ITGBL1: variants seen among roughly 807,000 people sequenced by gnomAD.
ITGBL1 encodes the protein integrin subunit beta like 1, also known as integrin beta-like protein 1.
A neutral mutation model predicts 68.5 loss-of-function variants in ITGBL1; 51 were observed. The observed-to-expected ratio is 0.74, with a 90% confidence interval of 0.59 to 0.94. The LOEUF is 0.94. ITGBL1 is among the 40% of genes least tolerant of loss of function. The pLI, the probability that ITGBL1 is intolerant of heterozygous loss-of-function variation, is 0.00. For missense variants in ITGBL1, 649 were observed against 647.4 expected (o/e 1.00, Z -0.03); for synonymous variants, 209 against 227.3 (o/e 0.92, Z 0.72).
chr13:101,540,171 T>C (rs1415680895), intron 2 of ITGBL1, among the ~76,000 whole-genome samples: 3 of 152,104 alleles, frequency 2.0e-5, no homozygotes, highest in Non-Finnish European at 4.4e-5. Flanking sequence ...TCTTCTAGGG[T>C]TTTTATGGTT....
chr13:101,607,477 C>T (rs2030924597), intron 7 of ITGBL1, among the ~76,000 whole-genome samples: 2 of 151,858 alleles, frequency 1.3e-5, no homozygotes, highest in South Asian at 4.1e-4. Context: ...CAAAATAATT[C>T]AATCAATCCT....
chr13:101,479,236 TG>T (rs1420314224), intron 2 of ITGBL1, among the ~76,000 whole-genome samples: 3 of 152,124 alleles, frequency 2.0e-5, no homozygotes, highest in African/African-American at 7.2e-5. Context: ...TAAATGGCTC[TG>T]GGAAAACTGA....
chr13:101,616,730 A>T (rs1021835358), intron 7 of ITGBL1, among the ~76,000 whole-genome samples: 1 of 152,172 alleles, frequency 6.6e-6, no homozygotes, highest in African/African-American at 2.4e-5. Flanking sequence ...ACTTCAAGCG[A>T]TCTACCCACC....
intron 7 of ITGBL1, among the ~76,000 whole-genome samples, chr13:101,677,588 A>G (rs2033536185): frequency 6.6e-6 from 1 of 152,304 alleles, no homozygotes; most frequent in East Asian, 1.9e-4. Flanking sequence ...AGCACAAACG[A>G]CCAACCTTTA....
rs1191462474 is a variant in ITGBL1 at position 101,494,396 on chromosome 13, G to A, written c.316+40296G>A. ...TAAAAAGTTGTGAAAATTATTTTCT[G>A]GCAAACATTGGAAAAGGGCTAAAAT... On this transcript the variant is annotated intron_variant, in intron 2 of 10. Transcript: ENST00000376180. Among the ~76,000 whole-genome samples, 3 of 152,034 alleles carry A rather than the reference G, an allele frequency of 2.0e-5. No individual in the cohort carries two copies. In the East Asian group the frequency reaches 5.8e-4, roughly 29 times the overall value.
chr13:101,634,087 A>G (rs1272730491), intron 7 of ITGBL1, among the ~76,000 whole-genome samples: 4 of 152,350 alleles, frequency 2.6e-5, no homozygotes, highest in Admixed American at 2.0e-4. Flanking sequence ...AATGGGCAGA[A>G]TTAATGCAAT....
At chr13:101,665,787 C>G (rs1240112165) in intron 7 of ITGBL1, among the ~76,000 whole-genome samples, 1 of 152,118 alleles carries the variant, frequency 6.6e-6, no homozygotes, top group Admixed American at 6.6e-5. Context: ...AGGGAGGGTT[C>G]TTATGCACAA....
intron 7 of ITGBL1, among the ~76,000 whole-genome samples, chr13:101,635,975 T>C (rs1042283547): frequency 6.6e-6 from 1 of 152,138 alleles, no homozygotes; most frequent in African/African-American, 2.4e-5. Context: ...AATGACTTAA[T>C]TTCCAATTAA....
chr13:101,572,063 C>A (rs1039035853), intron 3 of ITGBL1, among the ~76,000 whole-genome samples: 3 of 152,116 alleles, frequency 2.0e-5, no homozygotes, highest in Non-Finnish European at 1.5e-5. Context: ...TTCAGTGTTA[C>A]ATTTAATCTT....
Position 101,572,631 on chromosome 13 carries a change from G to A in ITGBL1, c.464-2793G>A, listed in dbSNP as rs146825703. 1.9e-3 allele frequency among the ~76,000 whole-genome samples: 285 copies of A among 152,174 alleles called. 1 individual carries two copies. Among genetic ancestry groups the A allele is most frequent in the Non-Finnish European group, 3.0e-3 (205 of 67,976 alleles). On this transcript the variant is annotated intron_variant, in intron 3 of 10. Transcript: ENST00000376180. ...AGGAGTCTGGAGCTTTTGCCTGGGC[G>A]TCCATATGCCATGTCTTGGAGGCTC...
chr13:101,704,134 C>A (rs927663760), intron 8 of ITGBL1, among the ~76,000 whole-genome samples: 2 of 152,134 alleles, frequency 1.3e-5, no homozygotes, highest in Non-Finnish European at 2.9e-5. Flanking sequence ...CTTTACAGCA[C>A]CCTCCTTGGT....
Position 101,696,729 on chromosome 13 carries a change from G to T in ITGBL1, c.1132+4028G>T, listed in dbSNP as rs574819157. The stretch of plus-strand genomic sequence containing the variant: ...TTTTCTTTAAGTCTACAATTCTCAT[G>T]GATATAATCAATCTCTCTCTCTCAT... On this transcript the variant is annotated intron_variant, in intron 8 of 10. Coordinates refer to ENST00000376180, the MANE Select transcript of ITGBL1 (RefSeq NM_004791.3). Among the ~76,000 whole-genome samples the T allele has an allele frequency of 2.0e-5, 3 of 152,188 alleles. No individual in the cohort carries two copies. In the East Asian group the frequency reaches 5.8e-4, roughly 29 times the overall value.
chr13:101,720,099 TAAC>T (rs1257350780), downstream of ITGBL1: 1 of 152,104 alleles, frequency 6.6e-6, no homozygotes, highest in African/African-American at 2.4e-5. Context: ...TTTGTGAATT[TAAC>T]AAATGATATT....
chr13:101,654,372 G>A (rs527992299), intron 7 of ITGBL1, among the ~76,000 whole-genome samples: 93 of 152,298 alleles, frequency 6.1e-4, no homozygotes, highest in Admixed American at 1.4e-3. Context: ...GGGACCCGAA[G>A]GTGGGGACAA....
intron 9 of ITGBL1, among the ~76,000 whole-genome samples, chr13:101,709,371 C>CAAAAAAAAAA (rs747662212): frequency 2.9e-4 from 18 of 61,190 alleles, no homozygotes; most frequent in African/African-American, 7.8e-4. Flanking sequence ...GACTCCGTCT[C>CAAAAAAAAAA]AAAAAAAAAA....
At chr13:101,665,369 G>GT (rs1051854271) in intron 7 of ITGBL1, among the ~76,000 whole-genome samples, 2 of 151,544 alleles carry the variant, frequency 1.3e-5, no homozygotes, top group African/African-American at 2.4e-5. Flanking sequence ...CCTATTTTCT[G>GT]TTTTTTATAT....
Position 101,676,565 on chromosome 13 carries a change from C to T in ITGBL1, c.1016-16020C>T, listed in dbSNP as rs551193864. ...TTCAACCTCTTGCCCCAAATAGTTT[C>T]GGAAGTGACAAATACATCAAAGAGA... On this transcript the variant is annotated intron_variant, in intron 7 of 10. Coordinates refer to ENST00000376180, the MANE Select transcript of ITGBL1 (RefSeq NM_004791.3). Among the ~76,000 whole-genome samples, 20 of 152,162 alleles carry T rather than the reference C, an allele frequency of 1.3e-4. No individual in the cohort carries two copies. The East Asian group carries it at 2.1e-3, about 16-fold the overall frequency.
rs118123501 is a variant in ITGBL1 at position 101,631,415 on chromosome 13, G to A, written c.1015+33116G>A. On this transcript the variant is annotated intron_variant, in intron 7 of 10. Coordinates refer to ENST00000376180, the MANE Select transcript of ITGBL1 (RefSeq NM_004791.3). ...TGCAATGTAAAAATGATTTGTAGATGTTAAGTCTATATCTCATAGTTCTTT... is the reference window on the plus strand; with the variant it reads ...TGCAATGTAAAAATGATTTGTAGATATTAAGTCTATATCTCATAGTTCTTT... Among the ~76,000 whole-genome samples, 112 of 151,750 alleles carry A rather than the reference G, an allele frequency of 7.4e-4. 1 individual carries two copies. Among genetic ancestry groups the A allele is most frequent in the Non-Finnish European group, 1.3e-3 (89 of 67,944 alleles).
intron 5 of ITGBL1, among the ~76,000 whole-genome samples, chr13:101,582,919 G>C (rs1425965245): frequency 6.6e-6 from 1 of 151,912 alleles, no homozygotes; most frequent in Non-Finnish European, 1.5e-5. Flanking sequence ...AGCTTCTTGG[G>C]GGAAAGGATT....
Sources: allele counts gnomAD v4.1 joint callset (sites outside exome capture counted in the v4.1 genomes callset), GRCh38; gene constraint gnomAD v4.1.1; transcripts MANE v1.5; gene names NCBI Gene and HGNC (gene_info 2026-07-23, HGNC 2026-07-21).